THBS2: variants seen among roughly 807,000 people sequenced by gnomAD.
THBS2 encodes the protein thrombospondin 2.
Under a neutral mutation model 135.2 loss-of-function variants are expected in THBS2, and 47 were observed. That is an observed-to-expected ratio of 0.35 (90% CI 0.28 to 0.44). The LOEUF is 0.44. Among genes scored for constraint, THBS2 ranks in the 20% least tolerant of loss-of-function variants. The pLI is 1.00. For missense variants in THBS2, 1,288 were observed against 1,603.1 expected (o/e 0.80, Z 3.36); for synonymous variants, 639 against 633.8 (o/e 1.01, Z -0.12).
Position 169,225,199 on chromosome 6 carries a change from C to T in THBS2, c.2719G>A (p.Asp907Asn), listed in dbSNP as rs559051778. ...ACAAGCCGGCAGTTGTCCCTGTCAT[C>T]GGGGACGCCATCGTTGTCATCATCA... is the stretch of plus-strand genomic sequence containing the variant. Reference protein sequence around the residue: ...DPDDDNDGVPDDRDNCRLVFN... With the variant: ...DPDDDNDGVPNDRDNCRLVFN... Residue 907 changes from aspartate (D) to asparagine (N), a missense_variant, in exon 17 of 22, where the codon GAT becomes AAT. Coordinates refer to ENST00000617924, the MANE Select transcript of THBS2 (RefSeq NM_003247.5). 56 of 1,614,096 alleles carry T rather than the reference C, an allele frequency of 3.5e-5. No homozygotes were observed. Among genetic ancestry groups the T allele is most frequent in the South Asian group, 2.0e-4 (18 of 91,084 alleles).
At chr6:169,220,159 C>T (rs376070584) in intron 21 of THBS2, 39 bp downstream of exon 21, 67 of 1,599,742 alleles carry the variant, frequency 4.2e-5, no homozygotes, top group East Asian at 1.6e-4. Context: ...TTCTGGGTGC[C>T]ACATGCCTTC....
At chr6:169,253,051 C>T (rs1266142028) in intron 1 of THBS2, among the ~76,000 whole-genome samples, 3 of 152,078 alleles carry the variant, frequency 2.0e-5, no homozygotes, top group African/African-American at 7.2e-5. Context: ...TGCAAACTGC[C>T]CCAAGACTGT....
intron 12 of THBS2, 77 bp downstream of exon 12, chr6:169,232,587 C>T: frequency 6.5e-7 from 1 of 1,530,024 alleles, no homozygotes; most frequent in South Asian, 1.3e-5. Flanking sequence ...TCCTCTCCTT[C>T]CTCCTGCTGC....
rs753085710 is a variant in THBS2, at chr6:169,232,022, G to A, written c.2109C>T (p.Leu703=). ...TGGCGTTGGTGGCGCAGACCAGATT[G>A]AGGTTGGGCCAGCCGTCCAGGTCCG... The part of the protein sequence containing the change: ...EDSDLDGWPN[L]NLVCATNATY... Residue 703 remains leucine (L), a synonymous_variant, in exon 13 of 22, where the codon CTC becomes CTT. Coordinates refer to ENST00000617924, the MANE Select transcript of THBS2 (RefSeq NM_003247.5). 7 of 1,613,914 alleles carry A rather than the reference G, an allele frequency of 4.3e-6. No individual in the cohort carries two copies. Among genetic ancestry groups the A allele is most frequent in the African/African-American group, 1.3e-5 (1 of 74,932 alleles).
rs534794489 is a variant in THBS2, at chr6:169,239,647, C to T, written c.1081G>A (p.Ala361Thr). ...HQITCPPATC[A>T]SPSFVEGECC... is the part of the protein sequence containing the mutation. ...TCGCCTTCCACAAAGGATGGACTGG[C>T]GCAGGTTGCAGGCGGGCAGGTGATT... The change falls in exon 7 of 22, where the codon GCC (alanine) becomes ACC (threonine). Residue 361 changes from alanine (A) to threonine (T), a missense_variant. Physicochemically the swap from Ala to Thr is moderately conservative, Grantham distance 58. This residue lies in a region of THBS2 where 874 missense variants were observed against 1,156.1 expected (regional missense o/e 0.76). Transcript: ENST00000617924. 5 of 1,606,720 alleles carry T rather than the reference C, an allele frequency of 3.1e-6. No homozygotes were observed. The highest frequency in any genetic ancestry group is 1.7e-5 in the Admixed American group (1 of 58,942).
rs940304171 is a variant in THBS2 at position 169,248,553 on chromosome 6, C to A, written c.473G>T (p.Gly158Val). The stretch of plus-strand genomic sequence containing the variant: ...GCCCACGTGCAAGCTGTAGGTCTCG[C>A]CAGCCACCTGCACGGTGACGTTCTT... ...QWKNVTVQVA[G>V]ETYSLHVGCD... Residue 158 changes from glycine to valine, a missense_variant, in exon 3 of 22, where the codon GGC becomes GTC. Gly to Val is a moderately radical substitution (Grantham distance 109). Transcript: ENST00000617924. 2 of 1,614,016 alleles carry A rather than the reference C, an allele frequency of 1.2e-6. No individual in the cohort carries two copies. The highest frequency in any genetic ancestry group is 1.7e-5 in the Admixed American group (1 of 60,030).
chr6:169,222,650 C>G (rs1779469403), intron 18 of THBS2, among the ~76,000 whole-genome samples, 182 bp from the exon 19 acceptor site: 1 of 151,964 alleles, frequency 6.6e-6, no homozygotes, highest in Admixed American at 6.6e-5. Context: ...CAAAAATTAG[C>G]CGGGCATGGT....
Position 169,216,824 on chromosome 6 carries a change from T to G in THBS2, c.*998A>C, listed in dbSNP as rs1461598736. The G allele has an allele frequency of 6.6e-6, 1 of 152,234 alleles. No homozygotes were observed. Among genetic ancestry groups the G allele is most frequent in the Non-Finnish European group, 1.5e-5 (1 of 68,038 alleles). The allele number at this position is 152,234 out of a possible 1,614,324, so 9.4% of individuals were successfully genotyped here. On this transcript the variant is annotated 3_prime_UTR_variant, in exon 22 of 22. Coordinates refer to ENST00000617924, the MANE Select transcript of THBS2 (RefSeq NM_003247.5). ...TTGCATTCTATAGTCACTTAATAAA[T>G]ATTAACAAAATATTTATAACTGGAA...
At chr6:169,234,438 C>A in intron 10 of THBS2, 1 of 331,730 alleles carries the variant, frequency 3.0e-6, no homozygotes, top group Non-Finnish European at 5.5e-6. Flanking sequence ...ATTCCACAGG[C>A]CACGCCACAC....
At chr6:169,229,485 A>G in intron 14 of THBS2, 87 bp downstream of exon 14, 1 of 1,012,022 alleles carries the variant, frequency 9.9e-7, no homozygotes, top group Non-Finnish European at 1.5e-6. Flanking sequence ...AGTTACGTTG[A>G]CAAGGGCTGT....
At chr6:169,235,814 C>T (rs1416147442) in intron 9 of THBS2, among the ~76,000 whole-genome samples, 3 of 48,860 alleles carry the variant, frequency 6.1e-5, no homozygotes, top group Admixed American at 2.5e-4. Context: ...TCACTCCATC[C>T]ACACTCACTT....
chr6:169,231,900 C>A, intron 13 of THBS2, 80 bp downstream of exon 13: 3 of 1,518,704 alleles, frequency 2.0e-6, no homozygotes, highest in South Asian at 1.2e-5. Flanking sequence ...GCCCCCGCCC[C>A]CCGTCCGCGT....
Position 169,244,164 on chromosome 6 carries a change from GTTTT to G in THBS2, c.694+2029_694+2032del, listed in dbSNP as rs34458367. ...AGATAACAGATCTAGATTTCTCTGTGTTTTTTTTTTTTTTTTTTTGGAAGATCTA... is the reference window on the plus strand; with the variant it reads ...AGATAACAGATCTAGATTTCTCTGTGTTTTTTTTTTTTTTTGGAAGATCTA... On this transcript the variant is annotated intron_variant, in intron 4 of 21. Coordinates refer to ENST00000617924, the MANE Select transcript of THBS2 (RefSeq NM_003247.5). Among the ~76,000 whole-genome samples the G allele has an allele frequency of 2.7e-3, 327 of 120,324 alleles. 1 individual carries two copies. Among genetic ancestry groups the G allele is most frequent in the Middle Eastern group, 0.027 (6 of 222 alleles). The allele number at this position is 120,324 out of a possible 152,430, so 78.9% of individuals were successfully genotyped here.
chr6:169,218,476 T>TGAGA (rs1554243921), intron 21 of THBS2, among the ~76,000 whole-genome samples: 1 of 55,358 alleles, frequency 1.8e-5, no homozygotes, highest in African/African-American at 7.4e-5. Context: ...GATAGATGAG[T>TGAGA]GGGGGTGGAT....
Position 169,232,030 on chromosome 6 carries a change from G to A in THBS2, c.2101C>T (p.Pro701Ser). ...CGEDSDLDGW[P>S]NLNLVCATNA... Reference sequence around the variant, plus strand: ...GTGGCGCAGACCAGATTGAGGTTGGGCCAGCCGTCCAGGTCCGAGTCCTCC... The same window carrying A: ...GTGGCGCAGACCAGATTGAGGTTGGACCAGCCGTCCAGGTCCGAGTCCTCC... Residue 701 changes from proline to serine, a missense_variant, in exon 13 of 22, where the codon CCC becomes TCC. Physicochemically the swap from Pro to Ser is moderately conservative, Grantham distance 74. Coordinates refer to ENST00000617924, the MANE Select transcript of THBS2 (RefSeq NM_003247.5). 1.9e-6 allele frequency: 3 copies of A among 1,613,992 alleles called. No homozygotes were observed. Among genetic ancestry groups the A allele is most frequent in the Non-Finnish European group, 2.5e-6 (3 of 1,179,958 alleles).
Position 169,228,172 on chromosome 6 carries a change from G to C in THBS2, c.2369C>G (p.Thr790Arg), listed in dbSNP as rs1176764596. ...PYVHNPAQID[T>R]DNNGEGDACS... ...GGCGTCACCCTCTCCATTGTTGTCT[G>C]TGTCGATCTGGGCAGGGTTGTGCAC... The change falls in exon 15 of 22, where the codon ACA becomes AGA. Residue 790 changes from threonine to arginine, a missense_variant. Thr to Arg is a moderately conservative substitution (Grantham distance 71). Coordinates refer to ENST00000617924, the MANE Select transcript of THBS2 (RefSeq NM_003247.5). The C allele has an allele frequency of 6.2e-7, 1 of 1,614,092 alleles. No homozygotes were observed. The highest frequency in any genetic ancestry group is 2.2e-5 in the East Asian group (1 of 44,878).
intron 12 of THBS2, among the ~76,000 whole-genome samples, 174 bp downstream of exon 12, chr6:169,232,490 C>A (rs961163935): frequency 6.6e-6 from 1 of 152,196 alleles, no homozygotes; most frequent in Non-Finnish European, 1.5e-5. Flanking sequence ...CCCCGCACCC[C>A]GCGCGGAGAG....
At position 169,234,882 on chromosome 6, in the gene THBS2, G is replaced by A; in HGVS notation, c.1503C>T (p.Ser501=). 1 of 1,610,700 alleles carries A rather than the reference G, an allele frequency of 6.2e-7. No homozygotes were observed. Among genetic ancestry groups the A allele is most frequent in the Non-Finnish European group, 8.5e-7 (1 of 1,178,518 alleles). ...AGGTGACAGTGCAGGCCGACCACGGGGACCAGGGGCTCCAGCGGCCATCGA... is the reference window on the plus strand; with the variant it reads ...AGGTGACAGTGCAGGCCGACCACGGAGACCAGGGGCTCCAGCGGCCATCGA... ...CPIDGRWSPW[S]PWSACTVTCA... Residue 501 remains serine (S), a synonymous_variant, in exon 10 of 22, where the codon TCC becomes TCT. Transcript: ENST00000617924.
At position 169,234,778 on chromosome 6, in the gene THBS2, T is replaced by C. The variant is rs1434447873; in HGVS notation, c.1607A>G (p.Asp536Gly). 6.2e-7 allele frequency: 1 copy of C among 1,605,416 alleles called. No homozygotes were observed. Among genetic ancestry groups the C allele is most frequent in the East Asian group, 2.3e-5 (1 of 44,306 alleles). Residue 536 changes from aspartate to glycine, a missense_variant, in exon 10 of 22, where the codon GAT (aspartate) becomes GGT (glycine). By Grantham distance (94) the Asp-to-Gly change is moderately conservative (BLOSUM62 -1). Transcript: ENST00000617924. The stretch of plus-strand genomic sequence containing the variant: ...GTTGCACATCTGACGCTCCTGCACA[T>C]CCCCCACGCAGGCCTTCCCTCCGTA... ...PQYGGKACVG[D>G]VQERQMCNKR... is the part of the protein sequence containing the mutation.
Sources: allele counts gnomAD v4.1 joint callset (sites outside exome capture counted in the v4.1 genomes callset), GRCh38; gene constraint gnomAD v4.1.1; regional missense constraint gnomAD v4.1.1; transcripts MANE v1.5; gene names NCBI Gene and HGNC (gene_info 2026-07-23, HGNC 2026-07-21).